The following UNC13C variants were observed in gnomAD, a reference collection of about 807,000 sequenced individuals.
UNC13C encodes protein unc-13 homolog C.
Under a neutral mutation model 245.4 loss-of-function variants are expected in UNC13C, and 174 were observed. That is an observed-to-expected ratio of 0.71 (90% confidence interval 0.63 to 0.80). The LOEUF (loss-of-function observed/expected upper bound fraction) is 0.80, where lower values mean the gene tolerates loss of function less well. Among genes scored for constraint, UNC13C ranks in the 30% least tolerant of loss-of-function variants. UNC13C has a pLI of 0.00. For synonymous variants in UNC13C, 992 were observed against 895.1 expected, an observed-to-expected ratio of 1.11 and a Z score of -1.93; for missense variants, 2,829 against 2,602.9, an observed-to-expected ratio of 1.09 and a Z score of -1.89.
chr15:53,852,316 A>G, the UNC13C span, among the ~76,000 whole-genome samples: 5 of 152,090 alleles, frequency 3.3e-5, no homozygotes, highest in Admixed American at 3.3e-4. Flanking sequence ...TGTGTTTGAC[A>G]TTTTTTCGAA....
At position 54,462,005 on chromosome 15, in the gene UNC13C, A is replaced by G. The variant is rs528842533; in HGVS notation, c.4934-32603A>G. ...CACAAACCTTTTGAGTTTTGTGGCC[A>G]TCACTTGAAGGTATGACTAGTCAGC... is the stretch of plus-strand genomic sequence containing the variant. On this transcript the variant is annotated intron_variant, in intron 19 of 32. Coordinates refer to ENST00000260323, the MANE Select transcript of UNC13C (RefSeq NM_001080534.3). 6.6e-5 allele frequency among the ~76,000 whole-genome samples: 10 copies of G among 152,316 alleles called. No individual in the cohort carries two copies. The East Asian group carries it at 1.9e-3, about 30-fold the overall frequency.
At chr15:54,562,077 G>A (rs764800856) in intron 29 of UNC13C, among the ~76,000 whole-genome samples, 4 of 151,936 alleles carry the variant, frequency 2.6e-5, no homozygotes, top group Non-Finnish European at 5.9e-5. Flanking sequence ...TAGATGCAAT[G>A]GCAGGAATGT....
chr15:53,931,053 G>C, the UNC13C span, among the ~76,000 whole-genome samples: 7 of 152,318 alleles, frequency 4.6e-5, no homozygotes, highest in South Asian at 1.0e-3. Flanking sequence ...ACCAGCAGTT[G>C]ACAACTGTCG....
intron 27 of UNC13C, 38 bp downstream of exon 27, chr15:54,546,883 A>G: frequency 6.5e-7 from 1 of 1,533,540 alleles, no homozygotes; most frequent in Non-Finnish European, 8.8e-7. Flanking sequence ...TCATTAACCC[A>G]TCTGTTTTTG....
In UNC13C at chr15:54,393,102, G is replaced by C; in HGVS notation, c.4768G>C (p.Asp1590His). Residue 1590 changes from aspartate (D) to histidine (H), a missense_variant, in exon 18 of 33, where the codon GAT (aspartate) becomes CAT (histidine). By Grantham distance (81) the Asp-to-His change is moderately conservative (BLOSUM62 -1). Coordinates refer to ENST00000260323, the MANE Select transcript of UNC13C (RefSeq NM_001080534.3). Reference protein sequence around the residue: ...EDQGPTTKNLDFWPQLITLMV... With the variant: ...EDQGPTTKNLHFWPQLITLMV... ...TCAGGGACCAACCACCAAGAATTTG[G>C]ATTTTTGGCCCCAACTTATTACACT... is the stretch of plus-strand genomic sequence containing the variant. 4.3e-6 allele frequency: 7 copies of C among 1,610,612 alleles called. No individual in the cohort carries two copies. Among genetic ancestry groups the C allele is most frequent in the Non-Finnish European group, 5.9e-6 (7 of 1,178,354 alleles).
At chr15:54,222,842 A>G (rs1304684479) in intron 4 of UNC13C, among the ~76,000 whole-genome samples, 1 of 152,130 alleles carries the variant, frequency 6.6e-6, no homozygotes, top group Non-Finnish European at 1.5e-5. Context: ...TCTGATAAAC[A>G]GTGATGTTTG....
intron 4 of UNC13C, among the ~76,000 whole-genome samples, chr15:54,174,969 C>G (rs1280130438): frequency 6.6e-6 from 1 of 152,136 alleles, no homozygotes; most frequent in Admixed American, 6.5e-5. Context: ...AATCCTTTTG[C>G]TGAGCTCAAG....
intron 8 of UNC13C, among the ~76,000 whole-genome samples, chr15:54,254,673 C>CA (rs1381497608): frequency 1.8e-4 from 27 of 152,202 alleles, no homozygotes; most frequent in African/African-American, 6.0e-4. Flanking sequence ...AGTGTCTCAT[C>CA]AAAAGGATCA....
At chr15:54,180,160 T>C (rs1308957893) in intron 4 of UNC13C, among the ~76,000 whole-genome samples, 1 of 151,984 alleles carries the variant, frequency 6.6e-6, no homozygotes, top group African/African-American at 2.4e-5. Flanking sequence ...GCCTCTTCTC[T>C]TCTCCGCTCT....
the UNC13C span, among the ~76,000 whole-genome samples, chr15:53,923,838 T>A: frequency 7.9e-5 from 12 of 152,218 alleles, no homozygotes; most frequent in African/African-American, 2.9e-4. Flanking sequence ...TAGAGTTAAT[T>A]CACCGCAGAT....
chr15:54,088,845 C>G (rs1436521753), intron 2 of UNC13C, among the ~76,000 whole-genome samples: 1 of 152,072 alleles, frequency 6.6e-6, no homozygotes, highest in African/African-American at 2.4e-5. Context: ...TTCTTTCTTC[C>G]AGTGATGCAG....
chr15:54,325,254 G>GCA lies in UNC13C; in HGVS notation c.4425+3170_4425+3171dup, dbSNP rs1266208440. 2.6e-5 allele frequency among the ~76,000 whole-genome samples: 4 copies of GCA among 151,442 alleles called. No homozygotes were observed. In the East Asian group the frequency reaches 5.9e-4, roughly 22 times the overall value. Reference sequence around the variant, plus strand: ...ATGCAATTTAATTCCAACATTGAAGGCACACACACACATACATACACACAC... The same window carrying GCA: ...ATGCAATTTAATTCCAACATTGAAGGCACACACACACACATACATACACACAC... On this transcript the variant is annotated intron_variant, in intron 14 of 32. Coordinates refer to ENST00000260323, the MANE Select transcript of UNC13C (RefSeq NM_001080534.3).
intron 19 of UNC13C, among the ~76,000 whole-genome samples, chr15:54,440,444 A>G (rs956477823): frequency 1.8e-4 from 28 of 151,986 alleles, no homozygotes; most frequent in Non-Finnish European, 1.5e-5. Flanking sequence ...CACCTAACAT[A>G]ATGACCTCCA....
At chr15:54,578,771 G>C (rs918782362) in intron 30 of UNC13C, among the ~76,000 whole-genome samples, 6 of 152,152 alleles carry the variant, frequency 3.9e-5, no homozygotes, top group African/African-American at 7.2e-5. Context: ...AAAACTGCTT[G>C]AGCAGGGAGA....
chr15:54,066,172 A>G (rs893348488), intron 2 of UNC13C, among the ~76,000 whole-genome samples: 2 of 152,220 alleles, frequency 1.3e-5, no homozygotes, highest in African/African-American at 4.8e-5. Flanking sequence ...GGTGTCAATA[A>G]AAGATATGCA....
intron 19 of UNC13C, chr15:54,416,897 T>G (rs1303035612): frequency 1.5e-5 from 7 of 456,426 alleles, no homozygotes; most frequent in Admixed American, 2.4e-5. Context: ...AAAAGTTTAT[T>G]CCTGCATGAG....
chr15:54,458,678 G>GTTTTTT (rs1407353316), intron 19 of UNC13C, among the ~76,000 whole-genome samples: 10 of 38,620 alleles, frequency 2.6e-4, no homozygotes, highest in East Asian at 1.1e-3. Flanking sequence ...TTCCTTTAAG[G>GTTTTTT]TCTTTTTTTT....
rs1895576224 is a variant in UNC13C at position 54,015,003 on chromosome 15, G to A, written c.2100G>A (p.Lys700=). The change falls in exon 2 of 33, where the codon AAG becomes AAA. Residue 700 remains lysine, a synonymous_variant. Transcript: ENST00000260323. The part of the protein sequence containing the change: ...VYNKDLEYLG[K]CHSDLQDDSE... ...ATAAAGACCTAGAATACTTGGGAAA[G>A]TGCCACAGTGATCTTCAAGATGACT... is the stretch of plus-strand genomic sequence containing the variant. 2.5e-6 allele frequency: 4 copies of A among 1,613,484 alleles called. No homozygotes were observed. The highest frequency in any genetic ancestry group is 1.7e-6 in the Non-Finnish European group (2 of 1,179,798).
rs570100388 is a variant in UNC13C, at chr15:54,468,444, C to A, written c.4934-26164C>A. 2.6e-5 allele frequency among the ~76,000 whole-genome samples: 4 copies of A among 151,698 alleles called. No individual in the cohort carries two copies. In the East Asian group the frequency reaches 7.7e-4, roughly 29 times the overall value. ...TTTTGTTTCCTTTGCTGTGCAGAAG[C>A]TTTTTATTTTGATTCATTCCATCCA... is the stretch of plus-strand genomic sequence containing the variant. On this transcript the variant is annotated intron_variant, in intron 19 of 32. Transcript: ENST00000260323.
Sources: allele counts gnomAD v4.1 joint callset (sites outside exome capture counted in the v4.1 genomes callset), GRCh38; gene constraint gnomAD v4.1.1; transcripts MANE v1.5; gene names NCBI Gene and HGNC (gene_info 2026-07-23, HGNC 2026-07-21).